Variants in PHF24 observed in about 807,000 individuals in gnomAD.
The protein encoded by PHF24 is Galpha inhibitory interacting protein.
Under a neutral mutation model 42.6 loss-of-function variants are expected in PHF24, and 25 were observed. The ratio of observed to expected loss-of-function variants is 0.59; its 90% CI spans 0.43 to 0.82. The LOEUF (loss-of-function observed/expected upper bound fraction) is 0.82. Among genes scored for constraint, PHF24 ranks in the 40% least tolerant of loss-of-function variants. The pLI, the probability that PHF24 is intolerant of heterozygous loss-of-function variation, is 0.00. For missense variants in PHF24, 470 were observed against 538.1 expected, an observed-to-expected ratio of 0.87 and a Z score of 1.25; for synonymous variants, 185 against 204.8, an observed-to-expected ratio of 0.90 and a Z score of 0.83.
At chr9:34,676,714 A>G in the PHF24 span, among the ~76,000 whole-genome samples, 1 of 152,238 alleles carries the variant, frequency 6.6e-6, no homozygotes, top group Non-Finnish European at 1.5e-5. Context: ...CAATACAGGA[A>G]GCATAACACT....
the PHF24 span, chr9:34,917,326 C>G: frequency 1.6e-5 from 14 of 901,196 alleles, no homozygotes; most frequent in Non-Finnish European, 3.8e-6. Context: ...GACAGTGAGC[C>G]CAAGTGTGTG....
the PHF24 span, among the ~76,000 whole-genome samples, chr9:34,884,242 C>T: frequency 7.6e-4 from 116 of 152,192 alleles, no homozygotes; most frequent in African/African-American, 2.7e-3. Context: ...GGAGGGATAG[C>T]ATTAGGAGAT....
At chr9:34,859,848 T>C in the PHF24 span, among the ~76,000 whole-genome samples, 2 of 152,222 alleles carry the variant, frequency 1.3e-5, no homozygotes, top group East Asian at 3.8e-4. Flanking sequence ...TCTACCTGCC[T>C]CTATGCATGA....
chr9:34,689,040 G>A, the PHF24 span, among the ~76,000 whole-genome samples: 7 of 152,298 alleles, frequency 4.6e-5, no homozygotes, highest in East Asian at 1.4e-3. The surrounding 1 kb of genome is among the most constrained non-coding windows in gnomAD (Gnocchi z 4.1). Flanking sequence ...ACCCAGATGG[G>A]AAGCCAGGTG....
At chr9:34,675,550 G>A in the PHF24 span, among the ~76,000 whole-genome samples, 1 of 152,224 alleles carries the variant, frequency 6.6e-6, no homozygotes, top group African/African-American at 2.4e-5. Flanking sequence ...CAGAGTGTGG[G>A]TGGAACATTG....
chr9:34,681,950 A>G, the PHF24 span, among the ~76,000 whole-genome samples: 1 of 152,310 alleles, frequency 6.6e-6, no homozygotes, highest in African/African-American at 2.4e-5. Context: ...GCAAGCCACA[A>G]AAAAAGCCCT....
At chr9:34,776,117 G>A in the PHF24 span, among the ~76,000 whole-genome samples, 21 of 152,150 alleles carry the variant, frequency 1.4e-4, no homozygotes, top group African/African-American at 4.3e-4. Context: ...GATTGCCAAC[G>A]GGAATCACCG....
chr9:34,878,542 C>T, the PHF24 span, among the ~76,000 whole-genome samples: 2 of 152,188 alleles, frequency 1.3e-5, no homozygotes, highest in South Asian at 2.1e-4. Flanking sequence ...CAATGGTCTT[C>T]GCAAACGGCA....
chr9:34,747,726 GA>G, the PHF24 span, among the ~76,000 whole-genome samples: 1 of 152,178 alleles, frequency 6.6e-6, no homozygotes, highest in South Asian at 2.1e-4. Context: ...AACCACTATA[GA>G]AAACTGTTTG....
chr9:34,972,487 A>G (rs1464420672), exon 3 of PHF24: 1 of 1,613,626 alleles, frequency 6.2e-7, no homozygotes, highest in Admixed American at 1.7e-5. Flanking sequence ...AGCGGAGGTG[A>G]CGGAGATGGC....
chr9:34,883,657 A>G, the PHF24 span, among the ~76,000 whole-genome samples: 1 of 152,244 alleles, frequency 6.6e-6, no homozygotes, highest in African/African-American at 2.4e-5. Context: ...AATCAATACC[A>G]CAATGAGATA....
chr9:34,671,806 C>CTCAT, the PHF24 span, among the ~76,000 whole-genome samples: 1 of 134,004 alleles, frequency 7.5e-6, no homozygotes, highest in Admixed American at 7.7e-5. Context: ...ATTTTTCTGC[C>CTCAT]TCATCCATCC....
chr9:34,977,327 C>T, intron 6 of PHF24, 84 bp downstream of exon 6: 3 of 1,475,070 alleles, frequency 2.0e-6, no homozygotes. Context: ...CCTCCCTGCT[C>T]CCCCTGCCAA....
the PHF24 span, chr9:34,918,283 A>G: frequency 7.3e-7 from 1 of 1,368,528 alleles, no homozygotes; most frequent in South Asian, 1.2e-5. Context: ...GAGCCCTTCC[A>G]GTACAAAAAC....
chr9:34,925,106 A>G, the PHF24 span, among the ~76,000 whole-genome samples: 3 of 152,236 alleles, frequency 2.0e-5, no homozygotes, highest in African/African-American at 7.2e-5. Context: ...TCATTTCTGA[A>G]TAATAGCTTT....
the PHF24 span, among the ~76,000 whole-genome samples, chr9:34,841,061 G>A: frequency 4.0e-5 from 6 of 151,768 alleles, no homozygotes; most frequent in Admixed American, 1.3e-4. Context: ...GTGCAGTGGC[G>A]CGATCTCGGC....
the PHF24 span, among the ~76,000 whole-genome samples, chr9:34,807,778 A>G: frequency 1.3e-5 from 2 of 152,158 alleles, no homozygotes; most frequent in Non-Finnish European, 2.9e-5. Flanking sequence ...GTTATGTGGG[A>G]GATGTGAAAT....
the PHF24 span, among the ~76,000 whole-genome samples, chr9:34,810,011 C>CGCA: frequency 6.9e-6 from 1 of 145,382 alleles, no homozygotes; most frequent in African/African-American, 2.5e-5. Flanking sequence ...CCGCCGCCGC[C>CGCA]CACGCGCCGC....
At chr9:34,936,049 C>A in the PHF24 span, among the ~76,000 whole-genome samples, 1 of 151,030 alleles carries the variant, frequency 6.6e-6, no homozygotes, top group Non-Finnish European at 1.5e-5. Flanking sequence ...CCCGCTCCCA[C>A]CCCCTCTCCC....
Sources: allele counts gnomAD v4.1 joint callset (sites outside exome capture counted in the v4.1 genomes callset), GRCh38; gene constraint gnomAD v4.1.1; non-coding constraint Gnocchi (gnomAD v3.1); transcripts MANE v1.5; gene names NCBI Gene and HGNC (gene_info 2026-07-23, HGNC 2026-07-21).